The following SPATA13 variants were observed in gnomAD, a reference collection of about 807,000 sequenced individuals.
SPATA13 encodes the protein spermatogenesis-associated protein 13.
A neutral mutation model predicts 104.0 loss-of-function variants in SPATA13; 50 were observed. The observed-to-expected ratio is 0.48, with a 90% CI of 0.38 to 0.61. The LOEUF (loss-of-function observed/expected upper bound fraction) is 0.61, where lower values mean the gene tolerates loss of function less well. SPATA13 is among the 20% of genes least tolerant of loss of function. SPATA13 has a pLI of 0.00. For missense variants in SPATA13, 1,524 were observed against 1,690.6 expected (o/e 0.90, Z 1.73); for synonymous variants, 606 against 667.5 (o/e 0.91, Z 1.42).
intron 4 of SPATA13, among the ~76,000 whole-genome samples, chr13:24,282,609 C>G (rs1037315015): frequency 7.9e-5 from 12 of 152,330 alleles, no homozygotes; most frequent in African/African-American, 2.4e-4. Flanking sequence ...CCCACTCCCA[C>G]TAACCTGTGT....
intron 3 of SPATA13, among the ~76,000 whole-genome samples, chr13:24,147,483 G>A (rs140298635): frequency 5.3e-5 from 8 of 152,162 alleles, no homozygotes; most frequent in Admixed American, 1.3e-4. Flanking sequence ...TCCCTTCTCC[G>A]TTGGAAGTGG....
At chr13:24,207,939 G>A (rs1410118977) in intron 1 of SPATA13, among the ~76,000 whole-genome samples, 2 of 152,302 alleles carry the variant, frequency 1.3e-5, no homozygotes, top group Non-Finnish European at 2.9e-5. Flanking sequence ...TGATAATAGA[G>A]GGTAGTTGTG....
chr13:24,145,099 G>A (rs1373304840), intron 3 of SPATA13, among the ~76,000 whole-genome samples: 5 of 152,152 alleles, frequency 3.3e-5, no homozygotes, highest in African/African-American at 9.7e-5. Flanking sequence ...GGAGACTGTC[G>A]TAGCCACCTT....
At chr13:24,174,670 A>G (rs1883143506) in intron 1 of SPATA13, among the ~76,000 whole-genome samples, 1 of 152,176 alleles carries the variant, frequency 6.6e-6, no homozygotes, top group African/African-American at 2.4e-5. Context: ...TCCGCCTCCC[A>G]GGTTCAAGCT....
chr13:24,067,829 C>G (rs1879019592), intron 3 of SPATA13, among the ~76,000 whole-genome samples: 1 of 152,096 alleles, frequency 6.6e-6, no homozygotes, highest in Non-Finnish European at 1.5e-5. Context: ...CTCAGCCTCC[C>G]AAATAGCTGG....
intron 3 of SPATA13, 145 bp from the exon 4 acceptor site, chr13:24,251,573 G>A (rs1475948599): frequency 2.0e-6 from 3 of 1,491,918 alleles, no homozygotes; most frequent in Admixed American, 2.3e-5. Context: ...ACTGGGCTTC[G>A]GTGCAGCCTG....
At chr13:24,254,962 A>T (rs1165457481) in intron 4 of SPATA13, among the ~76,000 whole-genome samples, 1 of 152,130 alleles carries the variant, frequency 6.6e-6, no homozygotes, top group African/African-American at 2.4e-5. Context: ...TGTAGGATGG[A>T]CATCATCTCA....
rs186334986 is a variant in SPATA13 at position 24,191,743 on chromosome 13, C to G, written c.-112+30811C>G. On this transcript the variant is annotated intron_variant, in intron 1 of 12. Coordinates refer to ENST00000382108, the MANE Select transcript of SPATA13 (RefSeq NM_001166271.3). ...GCCAGGATGGTCTTGATCTCCTGAC[C>G]TTGTGATCCGCCCGCCTCAGTCTCC... Among the ~76,000 whole-genome samples, 374 of 152,054 alleles carry G rather than the reference C, an allele frequency of 2.5e-3. 3 individuals are homozygous for G. The highest frequency in any genetic ancestry group is 0.014 in the Middle Eastern group (4 of 294).
Position 24,302,969 on chromosome 13 carries a change from G to A in SPATA13, c.*196G>A, listed in dbSNP as rs1566206465. The A allele has an allele frequency of 1.5e-6, 1 of 665,370 alleles. No individual in the cohort carries two copies. Among genetic ancestry groups the A allele is most frequent in the Non-Finnish European group, 2.6e-6 (1 of 390,458 alleles). The allele number at this position is 665,370 out of a possible 1,614,324, so 41.2% of individuals were successfully genotyped here. The stretch of plus-strand genomic sequence containing the variant: ...CTGCCTTTGTGGAAGGGAGGAGACG[G>A]TCATGACACAAAGCTTTATCCTACA... On this transcript the variant is annotated 3_prime_UTR_variant, in exon 13 of 13. Coordinates refer to ENST00000382108, the MANE Select transcript of SPATA13 (RefSeq NM_001166271.3).
At chr13:24,026,517 T>C (rs1877221485) in intron 3 of SPATA13, among the ~76,000 whole-genome samples, 1 of 152,234 alleles carries the variant, frequency 6.6e-6, no homozygotes, top group South Asian at 2.1e-4. Context: ...GTTTGGTAGA[T>C]ACTGTTTACA....
chr13:24,145,816 G>C (rs1881910135), intron 3 of SPATA13, among the ~76,000 whole-genome samples: 1 of 152,208 alleles, frequency 6.6e-6, no homozygotes, highest in Non-Finnish European at 1.5e-5. Context: ...ACATCCTTGT[G>C]GACAGCATTG....
intron 3 of SPATA13, among the ~76,000 whole-genome samples, chr13:24,097,832 G>A (rs370037430): frequency 6.6e-6 from 1 of 152,166 alleles, no homozygotes; most frequent in African/African-American, 2.4e-5. Flanking sequence ...CAATCCAAAC[G>A]CAGGCGAGGG....
At chr13:24,068,110 A>T (rs1383881933) in intron 3 of SPATA13, among the ~76,000 whole-genome samples, 1 of 152,198 alleles carries the variant, frequency 6.6e-6, no homozygotes, top group Admixed American at 6.5e-5. Context: ...TCACCCAAGC[A>T]TTAAGCCAAG....
At chr13:23,981,947 G>T (rs972347148) in intron 1 of SPATA13, among the ~76,000 whole-genome samples, 4 of 152,204 alleles carry the variant, frequency 2.6e-5, no homozygotes, top group Non-Finnish European at 5.9e-5. Context: ...ATTGCATTCT[G>T]AAGATGTGTT....
In SPATA13 at chr13:24,249,581, G is replaced by A. The variant is rs757066252; in HGVS notation, c.1758G>A (p.Arg586=). The A allele has an allele frequency of 1.9e-6, 3 of 1,614,028 alleles. No individual in the cohort carries two copies. The highest frequency in any genetic ancestry group is 1.7e-5 in the Admixed American group (1 of 60,024). The part of the protein sequence containing the change: ...KRRWGSGRRP[R]PRPFSDYGQL... The stretch of plus-strand genomic sequence containing the variant: ...GATGGGGCTCTGGGAGACGGCCAAG[G>A]CCTCGGCCATTCTCTGACTACGGCC... The change falls in exon 3 of 13, where the codon AGG becomes AGA. Residue 586 remains arginine (R), a synonymous_variant. Coordinates refer to ENST00000382108, the MANE Select transcript of SPATA13 (RefSeq NM_001166271.3).
intron 3 of SPATA13, among the ~76,000 whole-genome samples, chr13:24,045,823 C>A (rs1420254735): frequency 6.6e-6 from 1 of 152,194 alleles, no homozygotes; most frequent in East Asian, 1.9e-4. Flanking sequence ...GGCTGCCTTC[C>A]TCACCTCCTC....
chr13:24,224,213 C>A lies in SPATA13; in HGVS notation c.1284C>A (p.Cys428Ter), dbSNP rs1383517330. The A allele has an allele frequency of 6.4e-7, 1 of 1,551,748 alleles. No homozygotes were observed. The highest frequency in any genetic ancestry group is 8.7e-7 in the Non-Finnish European group (1 of 1,147,006). Residue 428 changes from cysteine to a stop codon, truncating the protein, a stop_gained, in exon 2 of 13, where the codon TGC (cysteine) becomes TGA (stop). Coordinates refer to ENST00000382108, the MANE Select transcript of SPATA13 (RefSeq NM_001166271.3). LOFTEE classifies it high-confidence loss of function. ...TGGAAAGCGACAGTTCCTGCACTTGCAGCTCTTTGCCAAGCCCGATTGTCC... is the reference window on the plus strand; with the variant it reads ...TGGAAAGCGACAGTTCCTGCACTTGAAGCTCTTTGCCAAGCCCGATTGTCC... ...WAVESDSSCT[C>*]SSLPSPIVQD...
chr13:24,017,725 C>T lies in SPATA13; in HGVS notation c.-112+24C>T, dbSNP rs1053187442. On this transcript the variant is annotated intron_variant, in intron 3 of 14. Coordinates refer to the SPATA13 transcript ENST00000424834. ...CGGTAAGAAGGGCCTCGAGTCCGTTCTTCCCTCTCCTTCCTCCTTCTTTCT... is the reference window on the plus strand; with the variant it reads ...CGGTAAGAAGGGCCTCGAGTCCGTTTTTCCCTCTCCTTCCTCCTTCTTTCT... 5.1e-6 allele frequency: 5 copies of T among 982,714 alleles called. No individual in the cohort carries two copies. In the Admixed American group the frequency reaches 1.8e-4, roughly 36 times the overall value. 60.9% of individuals were successfully genotyped at this position (982,714 alleles called of 1,614,324 possible). A position where few individuals can be genotyped will look rare whatever the true frequency, so the allele number is the denominator to read the frequency against.
At chr13:24,189,643 A>ATATAT (rs1555267534) in intron 1 of SPATA13, among the ~76,000 whole-genome samples, 2 of 20,378 alleles carry the variant, frequency 9.8e-5, no homozygotes, top group African/African-American at 1.5e-4. Flanking sequence ...ATATATTTAT[A>ATATAT]TATATATTAT....
Sources: gnomAD v4.1 joint callset for allele counts (sites outside exome capture counted in the v4.1 genomes callset) on GRCh38, gnomAD v4.1.1 for gene constraint, MANE v1.5 for transcripts, NCBI Gene and HGNC (gene_info 2026-07-23, HGNC 2026-07-21) for gene names.